Variants in ST6GALNAC3 observed in about 807,000 individuals in gnomAD.
The protein encoded by ST6GALNAC3 is alpha-N-acetylgalactosaminide alpha-2,6-sialyltransferase 3.
A neutral mutation model predicts 32.7 loss-of-function variants in ST6GALNAC3; 25 were observed. The observed-to-expected ratio is 0.76, with a 90% CI of 0.56 to 1.07. The LOEUF (loss-of-function observed/expected upper bound fraction) is 1.07. Among genes scored for constraint, ST6GALNAC3 ranks in the 50% least tolerant of loss-of-function variants. ST6GALNAC3 has a pLI of 0.00. For synonymous variants in ST6GALNAC3, 129 were observed against 133.1 expected (o/e 0.97, Z 0.21); for missense variants, 355 against 382.4 (o/e 0.93, Z 0.60).
chr1:76,088,268 C>T (rs1481074875), intron 1 of ST6GALNAC3, among the ~76,000 whole-genome samples: 3 of 152,198 alleles, frequency 2.0e-5, no homozygotes, highest in African/African-American at 7.2e-5. Context: ...GACTTTGTTT[C>T]CTTTGCCACT....
rs142680567 is a variant in ST6GALNAC3 at position 76,466,791 on chromosome 1, G to A, written c.623+54374G>A. ...ATTTGCATGAAGTCTAATTGGCAAC[G>A]TTTAAAATTTTGTGATATAGAGCTC... is the stretch of plus-strand genomic sequence containing the variant. On this transcript the variant is annotated intron_variant, in intron 3 of 4. Transcript: ENST00000328299. Among the ~76,000 whole-genome samples the A allele has an allele frequency of 2.9e-3, 436 of 152,082 alleles. 4 individuals carry two copies. The highest frequency in any genetic ancestry group is 0.011 in the Admixed American group (170 of 15,240).
rs866185788 is a variant in ST6GALNAC3, at chr1:76,147,079, T to C, written c.18+72195T>C. ...CCCCCCACTTCTTTTTTTTTTTTTTTTTGAGACTAGTCTCACTCTGTCTCC... is the reference window on the plus strand; with the variant it reads ...CCCCCCACTTCTTTTTTTTTTTTTTCTTGAGACTAGTCTCACTCTGTCTCC... On this transcript the variant is annotated intron_variant, in intron 1 of 4. Coordinates refer to ENST00000328299, the MANE Select transcript of ST6GALNAC3 (RefSeq NM_152996.4). Among the ~76,000 whole-genome samples, 4 of 151,576 alleles carry C rather than the reference T, an allele frequency of 2.6e-5. 1 individual carries two copies. The highest frequency in any genetic ancestry group is 4.2e-4 in the South Asian group (2 of 4,786).
rs549665824 is a variant in ST6GALNAC3 at position 76,580,271 on chromosome 1, C to T, written c.624-47181C>T. Among the ~76,000 whole-genome samples the T allele has an allele frequency of 3.9e-5, 6 of 152,098 alleles. No individual in the cohort carries two copies. In the South Asian group the frequency reaches 1.2e-3, roughly 32 times the overall value. ...CTGTAAGAGGCTCTAACAGGTTGTTCTACATTCTTTTGACAGATTCATGTC... is the reference window on the plus strand; with the variant it reads ...CTGTAAGAGGCTCTAACAGGTTGTTTTACATTCTTTTGACAGATTCATGTC... On this transcript the variant is annotated intron_variant, in intron 3 of 4. Transcript: ENST00000328299.
chr1:76,562,979 G>T (rs1450961337), intron 3 of ST6GALNAC3, among the ~76,000 whole-genome samples: 1 of 152,152 alleles, frequency 6.6e-6, no homozygotes, highest in Non-Finnish European at 1.5e-5. Flanking sequence ...GCTATGTGGG[G>T]CTTTTACTGA....
intron 1 of ST6GALNAC3, among the ~76,000 whole-genome samples, chr1:76,305,083 G>C (rs1273667112): frequency 6.6e-6 from 1 of 152,018 alleles, no homozygotes; most frequent in Non-Finnish European, 1.5e-5. Context: ...CTGAGTGAGG[G>C]CAACAGGTGG....
At chr1:76,162,906 C>CTGGG (rs1485376029) in intron 1 of ST6GALNAC3, among the ~76,000 whole-genome samples, 4 of 152,082 alleles carry the variant, frequency 2.6e-5, no homozygotes, top group Admixed American at 2.6e-4. Flanking sequence ...AGGCCCAGAG[C>CTGGG]TGGGGAAAGA....
intron 1 of ST6GALNAC3, among the ~76,000 whole-genome samples, chr1:76,216,739 A>G (rs1361318710): frequency 6.6e-6 from 1 of 152,218 alleles, no homozygotes; most frequent in African/African-American, 2.4e-5. Flanking sequence ...ACTTTACTGC[A>G]GTGTAATTTG....
chr1:76,424,468 T>C (rs532791383), intron 3 of ST6GALNAC3, among the ~76,000 whole-genome samples: 1 of 151,974 alleles, frequency 6.6e-6, no homozygotes, highest in South Asian at 2.1e-4. Context: ...GGGTGTTCAA[T>C]AAATATTAAA....
chr1:76,210,869 C>G (rs1465057207), intron 1 of ST6GALNAC3, among the ~76,000 whole-genome samples: 5 of 152,198 alleles, frequency 3.3e-5, no homozygotes, highest in African/African-American at 4.8e-5. Context: ...GTCTCAGCCT[C>G]CCAAGTAGCT....
At position 76,217,529 on chromosome 1, in the gene ST6GALNAC3, T is replaced by A. The variant is rs538134359; in HGVS notation, c.19-96276T>A. ...ACACAACTTCTTCTTATTATTATTA[T>A]TTCAATAGGATTTGGGAGAACCAGT... On this transcript the variant is annotated intron_variant, in intron 1 of 4. Coordinates refer to ENST00000328299, the MANE Select transcript of ST6GALNAC3 (RefSeq NM_152996.4). Among the ~76,000 whole-genome samples, 1,503 of 152,308 alleles carry A rather than the reference T, an allele frequency of 9.9e-3. 8 individuals carry two copies. The highest frequency in any genetic ancestry group is 0.024 in the Middle Eastern group (7 of 294).
chr1:76,090,197 A>G (rs1004635805), intron 1 of ST6GALNAC3, among the ~76,000 whole-genome samples: 8 of 152,244 alleles, frequency 5.3e-5, no homozygotes, highest in African/African-American at 1.9e-4. Context: ...GCCTATGGAA[A>G]TAATTTTGAT....
chr1:76,567,602 A>G (rs74460687), intron 3 of ST6GALNAC3, among the ~76,000 whole-genome samples: 1,890 of 152,328 alleles, frequency 0.012, 38 homozygotes, highest in African/African-American at 0.043. Context: ...TGTGAAAGTA[A>G]TTAATAATAT....
chr1:76,223,646 T>C (rs1373749072), intron 1 of ST6GALNAC3, among the ~76,000 whole-genome samples: 1 of 152,182 alleles, frequency 6.6e-6, no homozygotes, highest in African/African-American at 2.4e-5. Flanking sequence ...TATCTTGCAG[T>C]TGGTCAAAGT....
intron 1 of ST6GALNAC3, among the ~76,000 whole-genome samples, chr1:76,167,761 A>G (rs1652218518): frequency 6.6e-6 from 1 of 152,140 alleles, no homozygotes; most frequent in African/African-American, 2.4e-5. Flanking sequence ...TAGATTTTCT[A>G]GTTTATGTGC....
At chr1:76,543,420 C>T (rs1664108851) in intron 3 of ST6GALNAC3, among the ~76,000 whole-genome samples, 1 of 152,152 alleles carries the variant, frequency 6.6e-6, no homozygotes, top group Non-Finnish European at 1.5e-5. Context: ...AATTGGGATA[C>T]TGTAGAGCCA....
chr1:76,169,352 C>T (rs1350787211), intron 1 of ST6GALNAC3, among the ~76,000 whole-genome samples: 1 of 152,158 alleles, frequency 6.6e-6, no homozygotes, highest in Non-Finnish European at 1.5e-5. Flanking sequence ...TGTAGGTGGC[C>T]TGACCTTTCT....
At chr1:76,335,965 T>C (rs1647437505) in intron 2 of ST6GALNAC3, among the ~76,000 whole-genome samples, 1 of 152,224 alleles carries the variant, frequency 6.6e-6, no homozygotes, top group Admixed American at 6.5e-5. Flanking sequence ...TGGGCTCAGC[T>C]AGCAGTGCCA....
At chr1:76,080,386 T>G (rs138938304) in intron 1 of ST6GALNAC3, among the ~76,000 whole-genome samples, 52 of 152,290 alleles carry the variant, frequency 3.4e-4, no homozygotes, top group African/African-American at 1.3e-3. Flanking sequence ...TTTTTTACTC[T>G]AATGTATAGC....
intron 1 of ST6GALNAC3, among the ~76,000 whole-genome samples, chr1:76,270,369 T>C (rs1658768515): frequency 6.6e-6 from 1 of 151,806 alleles, no homozygotes. Flanking sequence ...AAGCCAGGCA[T>C]GGTGGCAGGT....
Sources: gnomAD v4.1 joint callset for allele counts (sites outside exome capture counted in the v4.1 genomes callset) on GRCh38, gnomAD v4.1.1 for gene constraint, MANE v1.5 for transcripts, NCBI Gene and HGNC (gene_info 2026-07-23, HGNC 2026-07-21) for gene names.